The following UXS1 variants were observed in gnomAD, a reference collection of about 807,000 sequenced individuals.
UXS1 encodes UDP-glucuronic acid decarboxylase 1.
UXS1 carries 33 observed loss-of-function variants against 62.6 expected under a neutral mutation model. The ratio of observed to expected loss-of-function variants is 0.53; its 90% CI spans 0.40 to 0.70. UXS1 has a LOEUF of 0.70. Ranked by LOEUF, UXS1 falls within the 30% of genes least tolerant of loss-of-function variation. UXS1 has a pLI of 0.00. For synonymous variants in UXS1, 213 were observed against 206.8 expected (o/e 1.03, Z -0.26); for missense variants, 434 against 556.3 (o/e 0.78, Z 2.21).
chr2:106,192,555 CAA>C (rs11308303), intron 1 of UXS1, among the ~76,000 whole-genome samples: 203 of 129,998 alleles, frequency 1.6e-3, no homozygotes, highest in South Asian at 1.8e-3. Context: ...GACTCCGTCT[CAA>C]AAAAAAAAAA....
At chr2:106,095,038 A>G (rs1170394382) in intron 14 of UXS1, among the ~76,000 whole-genome samples, 1 of 152,226 alleles carries the variant, frequency 6.6e-6, no homozygotes, top group African/African-American at 2.4e-5. Flanking sequence ...TCAAAAATTT[A>G]TTATAAATTA....
intron 5 of UXS1, among the ~76,000 whole-genome samples, chr2:106,157,798 G>C (rs1341954819): frequency 6.6e-6 from 1 of 152,222 alleles, no homozygotes; most frequent in Non-Finnish European, 1.5e-5. Context: ...GATTCATAGA[G>C]ATAGAGAGTA....
intron 1 of UXS1, among the ~76,000 whole-genome samples, chr2:106,181,270 A>G (rs925527578): frequency 6.6e-6 from 1 of 152,204 alleles, no homozygotes; most frequent in Non-Finnish European, 1.5e-5. Context: ...TCCCTGGCTC[A>G]GGGCGGGGCT....
intron 1 of UXS1, among the ~76,000 whole-genome samples, chr2:106,169,405 T>G (rs1490670378): frequency 6.6e-6 from 1 of 152,242 alleles, no homozygotes; most frequent in Non-Finnish European, 1.5e-5. Flanking sequence ...CACTTTAAAA[T>G]GTTGATTTCA....
At chr2:106,102,385 G>A (rs147061301) in intron 11 of UXS1, 1 of 152,286 alleles carries the variant, frequency 6.6e-6, no homozygotes, top group African/African-American at 2.4e-5. Flanking sequence ...TGAGTTGGAA[G>A]AAGGGTGACT....
chr2:106,114,594 T>C (rs932867127), intron 9 of UXS1, among the ~76,000 whole-genome samples: 1 of 152,148 alleles, frequency 6.6e-6, no homozygotes, highest in Non-Finnish European at 1.5e-5. Context: ...TTAGGCAAAA[T>C]TTGCAGCAAA....
intron 5 of UXS1, 174 bp from the exon 6 acceptor site, chr2:106,145,544 C>G: frequency 1.5e-6 from 1 of 679,670 alleles, no homozygotes; most frequent in Admixed American, 3.5e-5. Context: ...TACTGCAGAA[C>G]AAAGAGGTCA....
intron 8 of UXS1, among the ~76,000 whole-genome samples, chr2:106,123,703 G>A (rs1679708981): frequency 6.6e-6 from 1 of 152,112 alleles, no homozygotes; most frequent in African/African-American, 2.4e-5. Flanking sequence ...AGACATACCA[G>A]GGGAAGAGAC....
At chr2:106,097,245 C>G (rs1161939961) in intron 13 of UXS1, 1 of 456,358 alleles carries the variant, frequency 2.2e-6, no homozygotes, top group Non-Finnish European at 4.4e-6. Flanking sequence ...TGGGCCATAC[C>G]TGGGTGCTCG....
At chr2:106,126,527 T>C (rs72945696) in intron 7 of UXS1, among the ~76,000 whole-genome samples, 19,499 of 152,054 alleles carry the variant, frequency 0.13, 1,741 homozygotes, top group East Asian at 0.35. Flanking sequence ...GCCAGGCACA[T>C]GCAACCTATG....
chr2:106,110,064 A>G (rs1033862263), intron 10 of UXS1, among the ~76,000 whole-genome samples: 17 of 152,302 alleles, frequency 1.1e-4, no homozygotes, highest in Admixed American at 9.8e-4. Flanking sequence ...GCAAGGCATG[A>G]TATCTCAATT....
chr2:106,171,003 G>A (rs575216832), intron 1 of UXS1, among the ~76,000 whole-genome samples: 50 of 152,256 alleles, frequency 3.3e-4, no homozygotes, highest in Non-Finnish European at 2.9e-4. Context: ...TTTTAAGAAA[G>A]ATAATTATTC....
At chr2:106,177,671 C>T (rs1028279138) in intron 1 of UXS1, among the ~76,000 whole-genome samples, 8 of 152,180 alleles carry the variant, frequency 5.3e-5, no homozygotes, top group African/African-American at 1.7e-4. Context: ...GAGGACACTG[C>T]GAGAAGGCGC....
At chr2:106,161,172 G>A (rs1275885069) in intron 4 of UXS1, among the ~76,000 whole-genome samples, 1 of 152,100 alleles carries the variant, frequency 6.6e-6, no homozygotes, top group African/African-American at 2.4e-5. Flanking sequence ...CTCAGGGCTG[G>A]GCAGGAGCAC....
At chr2:106,094,211 T>TTG (rs1676890786) in intron 14 of UXS1, 54 bp from the exon 15 acceptor site, 6 of 1,608,166 alleles carry the variant, frequency 3.7e-6, no homozygotes, top group Middle Eastern at 1.6e-4. Context: ...CAGAAGGGCA[T>TTG]CGCAGGAAGG....
chr2:106,114,966 T>TA (rs1678947859), intron 9 of UXS1, among the ~76,000 whole-genome samples: 1 of 152,240 alleles, frequency 6.6e-6, no homozygotes, highest in South Asian at 2.1e-4. Flanking sequence ...TATGCCCATC[T>TA]ATCCCTTTCT....
At chr2:106,100,219 T>C (rs2104836880) in intron 12 of UXS1, among the ~76,000 whole-genome samples, 1 of 152,280 alleles carries the variant, frequency 6.6e-6, no homozygotes, top group South Asian at 2.1e-4. Flanking sequence ...CAGTCCACAT[T>C]GGAAACCTTG....
At chr2:106,123,752 C>T (rs1384965866) in intron 8 of UXS1, among the ~76,000 whole-genome samples, 1 of 152,180 alleles carries the variant, frequency 6.6e-6, no homozygotes, top group African/African-American at 2.4e-5. Flanking sequence ...TTTATTCACA[C>T]AAGTATATTT....
intron 1 of UXS1, 34 bp downstream of exon 1, chr2:106,194,114 G>A: frequency 1.4e-6 from 2 of 1,434,344 alleles, no homozygotes; most frequent in Non-Finnish European, 9.2e-7. Context: ...GGGAATGAAT[G>A]GGGCTCCCCA....
Sources: allele counts gnomAD v4.1 joint callset (sites outside exome capture counted in the v4.1 genomes callset), GRCh38; gene constraint gnomAD v4.1.1; transcripts MANE v1.5; gene names NCBI Gene and HGNC (gene_info 2026-07-23, HGNC 2026-07-21).